Variants in WDR41 observed in about 807,000 individuals in gnomAD.
WDR41 encodes the protein WD repeat-containing protein 41.
Under a neutral mutation model 69.3 loss-of-function variants are expected in WDR41, and 63 were observed. The ratio of observed to expected loss-of-function variants is 0.91; its 90% CI spans 0.74 to 1.12. The LOEUF (loss-of-function observed/expected upper bound fraction) is 1.12. WDR41 is among the 50% of genes most tolerant of loss of function. The probability of loss-of-function intolerance (pLI) is 0.00; values close to 1 mark genes in which losing one functional copy is unlikely to be tolerated. For missense variants in WDR41, 543 were observed against 534.5 expected, an observed-to-expected ratio of 1.02 and a Z score of -0.16; for synonymous variants, 185 against 192.1, an observed-to-expected ratio of 0.96 and a Z score of 0.31.
intron 1 of WDR41, among the ~76,000 whole-genome samples, chr5:77,508,515 A>G (rs1415187041): frequency 6.6e-6 from 1 of 152,158 alleles, no homozygotes; most frequent in Non-Finnish European, 1.5e-5. Context: ...AGTTCTTTGA[A>G]CATATTTATA....
intron 1 of WDR41, among the ~76,000 whole-genome samples, chr5:77,501,102 C>A (rs540491562): frequency 1.3e-5 from 2 of 152,222 alleles, no homozygotes; most frequent in Admixed American, 1.3e-4. Flanking sequence ...CAAGGGGTTG[C>A]AGGATTTCTG....
At chr5:77,543,842 G>A (rs1475271395) in intron 1 of WDR41, among the ~76,000 whole-genome samples, 1 of 152,068 alleles carries the variant, frequency 6.6e-6, no homozygotes, top group Non-Finnish European at 1.5e-5. Flanking sequence ...TCATCGCCTA[G>A]CCACATTGTC....
At position 77,492,201 on chromosome 5, in the gene WDR41, C is replaced by T. The variant is rs766567746; in HGVS notation, c.20G>A (p.Gly7Glu). Residue 7 changes from glycine (G) to glutamate (E), a missense_variant, in exon 1 of 13, where the codon GGG (glycine) becomes GAG (glutamate). By Grantham distance (98) the Gly-to-Glu change is moderately conservative (BLOSUM62 -2). Coordinates refer to ENST00000296679, the MANE Select transcript of WDR41 (RefSeq NM_018268.4). ...CAGTCCCTGCGGTTCTCGGCCTCCCCCGATCAGCCATCGCAACATCCGGGC... is the reference window on the plus strand; with the variant it reads ...CAGTCCCTGCGGTTCTCGGCCTCCCTCGATCAGCCATCGCAACATCCGGGC... Reference protein sequence around the residue: MLRWLIGGGREPQGLAE... With the variant: MLRWLIEGGREPQGLAE... 4 of 1,612,450 alleles carry T rather than the reference C, an allele frequency of 2.5e-6. No homozygotes were observed. The highest frequency in any genetic ancestry group is 2.7e-5 in the African/African-American group (2 of 74,786).
At chr5:77,530,904 T>A (rs928804878) in intron 1 of WDR41, among the ~76,000 whole-genome samples, 3 of 151,674 alleles carry the variant, frequency 2.0e-5, no homozygotes, top group Admixed American at 6.6e-5. Flanking sequence ...ACAAGCACAG[T>A]TAAATGTTAA....
intron 1 of WDR41, among the ~76,000 whole-genome samples, chr5:77,490,065 T>G (rs1801702480): frequency 6.6e-6 from 1 of 152,120 alleles, no homozygotes; most frequent in Non-Finnish European, 1.5e-5. Flanking sequence ...ACTCTGGATT[T>G]CTCAAACTTG....
At chr5:77,545,478 A>T in intron 1 of WDR41, 1 of 213,124 alleles carries the variant, frequency 4.7e-6, no homozygotes. Flanking sequence ...GCTTCCGGGG[A>T]GGCTTCGGCA....
intron 1 of WDR41, chr5:77,545,721 CGCTGGCCAGTGCACCAGGTTCAAG>C (rs1561220493): frequency 3.7e-6 from 2 of 539,980 alleles, no homozygotes; most frequent in Non-Finnish European, 6.5e-6. Flanking sequence ...AGCAGACCCA[CGCTGGCCAGTGCACCAGGTTCAAG>C]GCGTTTGTTG....
intron 7 of WDR41, 51 bp downstream of exon 7, chr5:77,451,240 T>G (rs1336194184): frequency 6.5e-7 from 1 of 1,547,076 alleles, no homozygotes; most frequent in African/African-American, 1.4e-5. Context: ...TTCCAGCATG[T>G]GTATACAATT....
chr5:77,492,087 C>A, intron 1 of WDR41, 83 bp downstream of exon 1: 1 of 1,533,022 alleles, frequency 6.5e-7, no homozygotes, highest in Non-Finnish European at 8.9e-7. Flanking sequence ...TCCCCGCGGT[C>A]GGAACCCAGG....
At chr5:77,498,068 C>G (rs1265944761) in intron 1 of WDR41, among the ~76,000 whole-genome samples, 1 of 151,898 alleles carries the variant, frequency 6.6e-6, no homozygotes, top group Non-Finnish European at 1.5e-5. Flanking sequence ...GAAAATAGAA[C>G]AGAGGTTACC....
intron 1 of WDR41, among the ~76,000 whole-genome samples, chr5:77,512,331 T>TGAGAGAGA (rs764631325): frequency 0.03 from 2,580 of 87,270 alleles, 117 homozygotes; most frequent in East Asian, 0.12. Flanking sequence ...ATGGGGTGAG[T>TGAGAGAGA]GAGAGAGAGA....
intron 1 of WDR41, chr5:77,583,189 TAAA>T (rs58456813): frequency 1.4e-5 from 9 of 645,754 alleles, no homozygotes; most frequent in African/African-American, 9.7e-5. Context: ...CAAATTGAAA[TAAA>T]AAAAAAAAGT....
intron 1 of WDR41, among the ~76,000 whole-genome samples, chr5:77,587,907 A>C (rs939159673): frequency 6.6e-5 from 10 of 152,196 alleles, no homozygotes; most frequent in African/African-American, 2.4e-4. Context: ...CAAGTCAAGG[A>C]GAAAGGCTTC....
At chr5:77,468,484 C>A (rs1800404472) in intron 2 of WDR41, among the ~76,000 whole-genome samples, 1 of 152,152 alleles carries the variant, frequency 6.6e-6, no homozygotes, top group Non-Finnish European at 1.5e-5. Context: ...CTGAAAACTA[C>A]AGCAAAGCTT....
chr5:77,605,472 C>A (rs550407704), intron 1 of WDR41, among the ~76,000 whole-genome samples: 18 of 152,316 alleles, frequency 1.2e-4, no homozygotes, highest in African/African-American at 4.1e-4. Flanking sequence ...AATCCTCTTC[C>A]TATTTAGAGG....
chr5:77,472,868 G>C (rs930743339), intron 2 of WDR41, among the ~76,000 whole-genome samples: 2 of 152,012 alleles, frequency 1.3e-5, no homozygotes, highest in African/African-American at 4.8e-5. Context: ...TAGATTCAAT[G>C]CCATCCCCAT....
chr5:77,537,392 G>A (rs749122791), intron 1 of WDR41, among the ~76,000 whole-genome samples: 25 of 152,224 alleles, frequency 1.6e-4, no homozygotes, highest in Non-Finnish European at 1.3e-4. Context: ...TCAGGAGGCC[G>A]AAGAGGAAGA....
chr5:77,610,729 A>G (rs1436443853), intron 1 of WDR41, among the ~76,000 whole-genome samples: 2 of 152,236 alleles, frequency 1.3e-5, no homozygotes, highest in African/African-American at 4.8e-5. Context: ...CATCAAGACT[A>G]GGAAGAAACT....
chr5:77,606,112 C>T (rs1173589371), intron 1 of WDR41, among the ~76,000 whole-genome samples: 2 of 152,164 alleles, frequency 1.3e-5, no homozygotes, highest in East Asian at 3.9e-4. Context: ...AGAATTCATC[C>T]CTCTTTACAA....
Sources: allele counts gnomAD v4.1 joint callset (sites outside exome capture counted in the v4.1 genomes callset), GRCh38; gene constraint gnomAD v4.1.1; transcripts MANE v1.5; gene names NCBI Gene and HGNC (gene_info 2026-07-23, HGNC 2026-07-21).